DOCK3: variants seen among roughly 807,000 people sequenced by gnomAD.
The protein encoded by DOCK3 is dedicator of cytokinesis protein 3.
In DOCK3, 60 loss-of-function variants were observed where a neutral mutation model predicts 265.6. The observed-to-expected ratio is 0.23, with a 90% CI of 0.18 to 0.28. DOCK3 has a LOEUF of 0.28. Among genes scored for constraint, DOCK3 ranks in the 10% least tolerant of loss-of-function variants. DOCK3 has a pLI of 1.00. For synonymous variants in DOCK3, 881 were observed against 938.0 expected (o/e 0.94, Z 1.11); for missense variants, 1,981 against 2,594.3 (o/e 0.76, Z 5.14).
intron 42 of DOCK3, 46 bp from the exon 43 acceptor site, chr3:51,356,361 G>GC: frequency 6.2e-7 from 1 of 1,612,596 alleles, no homozygotes; most frequent in Non-Finnish European, 8.5e-7. Flanking sequence ...GCAGGGTGTG[G>GC]CAAAACTTGC....
At chr3:51,112,117 T>C (rs572325411) in intron 9 of DOCK3, among the ~76,000 whole-genome samples, 27 of 152,272 alleles carry the variant, frequency 1.8e-4, no homozygotes, top group Admixed American at 1.6e-3. Context: ...GGTGGGAGTG[T>C]AAATTAGTTC....
At chr3:51,073,713 A>G (rs2081964095) in intron 6 of DOCK3, among the ~76,000 whole-genome samples, 1 of 152,210 alleles carries the variant, frequency 6.6e-6, no homozygotes, top group Non-Finnish European at 1.5e-5. Flanking sequence ...TTAGTGGATA[A>G]TAGAAAAAAA....
intron 5 of DOCK3, among the ~76,000 whole-genome samples, chr3:50,969,829 T>C (rs930779968): frequency 3.9e-5 from 6 of 152,212 alleles, no homozygotes; most frequent in Non-Finnish European, 7.3e-5. Context: ...CCCAGCACTT[T>C]GGGAGGCCGA....
chr3:50,691,283 CAAAA>C (rs371533246), intron 1 of DOCK3, among the ~76,000 whole-genome samples: 7 of 64,326 alleles, frequency 1.1e-4, no homozygotes, highest in Non-Finnish European at 2.3e-4. Context: ...GACTCTGTCT[CAAAA>C]AAAAAAAAAA....
At chr3:50,946,976 G>A (rs1164728083) in intron 5 of DOCK3, among the ~76,000 whole-genome samples, 3 of 152,124 alleles carry the variant, frequency 2.0e-5, no homozygotes, top group Admixed American at 6.5e-5. Flanking sequence ...AACTTTTTAT[G>A]TGAGAAAATA....
intron 5 of DOCK3, among the ~76,000 whole-genome samples, chr3:51,056,971 C>T (rs886838341): frequency 6.6e-6 from 1 of 152,022 alleles, no homozygotes; most frequent in Non-Finnish European, 1.5e-5. Flanking sequence ...TTTCTGATGT[C>T]ATTTTTATTT....
At chr3:51,128,758 T>G (rs1025729252) in intron 9 of DOCK3, among the ~76,000 whole-genome samples, 2 of 152,152 alleles carry the variant, frequency 1.3e-5, no homozygotes, top group African/African-American at 4.8e-5. Context: ...TGCTGGCAAA[T>G]TGGGCACTCA....
chr3:51,022,786 T>G (rs9284887), intron 5 of DOCK3, among the ~76,000 whole-genome samples: 137,196 of 152,192 alleles, frequency 0.9, 62,033 homozygotes, highest in African/African-American at 0.95. Flanking sequence ...TATTTTCTAG[T>G]TTTTCTTCTA....
intron 1 of DOCK3, among the ~76,000 whole-genome samples, chr3:50,717,683 C>T (rs968854620): frequency 3.3e-5 from 5 of 152,116 alleles, no homozygotes; most frequent in Admixed American, 6.6e-5. Flanking sequence ...AGTGCAGTGG[C>T]GCAATCTCAG....
intron 32 of DOCK3, among the ~76,000 whole-genome samples, chr3:51,315,806 C>T (rs1357475651): frequency 6.6e-6 from 1 of 152,022 alleles, no homozygotes; most frequent in African/African-American, 2.4e-5. Context: ...GATTTTCTCT[C>T]TTGGCAGATG....
chr3:50,861,055 G>A (rs2046885601), intron 3 of DOCK3, among the ~76,000 whole-genome samples: 2 of 152,178 alleles, frequency 1.3e-5, no homozygotes, highest in African/African-American at 4.8e-5. Flanking sequence ...GGTTTAGTGG[G>A]ATCTCCTGAT....
chr3:50,746,385 G>A (rs1441242660), intron 1 of DOCK3, among the ~76,000 whole-genome samples: 2 of 152,110 alleles, frequency 1.3e-5, no homozygotes, highest in African/African-American at 2.4e-5. Context: ...GGGATTACAG[G>A]CATGAACCAC....
At chr3:50,752,515 A>C (rs1341794691) in intron 1 of DOCK3, among the ~76,000 whole-genome samples, 1 of 39,546 alleles carries the variant, frequency 2.5e-5, no homozygotes, top group African/African-American at 5.9e-5. Flanking sequence ...CTCAAAAAAA[A>C]AAAAAAAACA....
At chr3:50,840,253 A>G (rs2045752530) in intron 2 of DOCK3, among the ~76,000 whole-genome samples, 1 of 152,016 alleles carries the variant, frequency 6.6e-6, no homozygotes, top group African/African-American at 2.4e-5. Context: ...TATTTCTTTC[A>G]TGGATCATGC....
At chr3:50,765,364 A>G (rs1237878042) in intron 1 of DOCK3, among the ~76,000 whole-genome samples, 1 of 152,082 alleles carries the variant, frequency 6.6e-6, no homozygotes, top group Non-Finnish European at 1.5e-5. Context: ...GATTACAGGC[A>G]TGAGCCTCCA....
chr3:51,087,409 G>C (rs780180664), intron 7 of DOCK3, among the ~76,000 whole-genome samples: 2 of 152,146 alleles, frequency 1.3e-5, no homozygotes, highest in Non-Finnish European at 2.9e-5. Flanking sequence ...AATAGTCACA[G>C]AAAAAGCATT....
chr3:50,944,061 A>G (rs1412439048), intron 5 of DOCK3, among the ~76,000 whole-genome samples: 1 of 152,206 alleles, frequency 6.6e-6, no homozygotes, highest in Non-Finnish European at 1.5e-5. Context: ...ATTTGCTGAT[A>G]TAGGTGATAT....
intron 1 of DOCK3, among the ~76,000 whole-genome samples, chr3:50,724,843 A>T (rs1341568521): frequency 6.6e-6 from 1 of 152,138 alleles, no homozygotes; most frequent in African/African-American, 2.4e-5. Context: ...TATAAAAAGA[A>T]ATAGCTGGGC....
intron 49 of DOCK3, among the ~76,000 whole-genome samples, chr3:51,371,876 G>A (rs891800402): frequency 1.3e-5 from 2 of 152,240 alleles, no homozygotes; most frequent in Admixed American, 1.3e-4. Context: ...TCCATGAGGT[G>A]AGAGACCACG....
Sources: allele counts gnomAD v4.1 joint callset (sites outside exome capture counted in the v4.1 genomes callset), GRCh38; gene constraint gnomAD v4.1.1; transcripts MANE v1.5; gene names NCBI Gene and HGNC (gene_info 2026-07-23, HGNC 2026-07-21).